Variants in MED12L observed in about 807,000 individuals in gnomAD.
The protein encoded by MED12L is mediator complex subunit 12L.
A neutral mutation model predicts 281.3 loss-of-function variants in MED12L; 60 were observed. The observed-to-expected ratio is 0.21, with a 90% CI of 0.17 to 0.26. MED12L has a LOEUF of 0.26. Among genes scored for constraint, MED12L ranks in the 10% least tolerant of loss-of-function variants. MED12L has a pLI of 1.00. For synonymous variants in MED12L, 974 were observed against 987.2 expected, an observed-to-expected ratio of 0.99 and a Z score of 0.25; for missense variants, 2,146 against 2,680.9, an observed-to-expected ratio of 0.80 and a Z score of 4.41.
intron 16 of MED12L, among the ~76,000 whole-genome samples, chr3:151,235,732 A>C (rs1463314494): frequency 1.3e-5 from 2 of 151,346 alleles, no homozygotes; most frequent in East Asian, 3.9e-4. Flanking sequence ...AGTAAAAGCA[A>C]CTCACTTGGG....
At chr3:151,356,793 A>C (rs1476017004) in intron 19 of MED12L, among the ~76,000 whole-genome samples, 1 of 152,150 alleles carries the variant, frequency 6.6e-6, no homozygotes, top group East Asian at 1.9e-4. Flanking sequence ...ATTTGAGTTC[A>C]TTATTTCCTT....
intron 16 of MED12L, among the ~76,000 whole-genome samples, chr3:151,306,933 T>C (rs1746740697): frequency 6.6e-6 from 1 of 152,216 alleles, no homozygotes; most frequent in African/African-American, 2.4e-5. Context: ...TCTCCAGTTT[T>C]CCCTCTAAAA....
At chr3:151,431,825 G>T (rs1234576022) in intron 44 of MED12L, among the ~76,000 whole-genome samples, 1 of 152,100 alleles carries the variant, frequency 6.6e-6, no homozygotes, top group Non-Finnish European at 1.5e-5. Context: ...TCCATGTATT[G>T]ATTTACTTTA....
At chr3:151,273,938 G>T (rs951391971) in intron 16 of MED12L, among the ~76,000 whole-genome samples, 3 of 152,202 alleles carry the variant, frequency 2.0e-5, no homozygotes, top group Non-Finnish European at 4.4e-5. Flanking sequence ...CTAAGACAGA[G>T]TCTTTTCTTT....
intron 24 of MED12L, 61 bp from the exon 25 acceptor site, chr3:151,368,089 A>T: frequency 7.7e-7 from 1 of 1,304,036 alleles, no homozygotes; most frequent in Non-Finnish European, 1.1e-6. Context: ...TTAATAGGAA[A>T]CCTGAAGGAC....
chr3:151,128,002 A>T lies in MED12L; in HGVS notation c.556+18A>T. ...GAATTTGGGTAAGTGAGAGAATACA[A>T]TACACCTTACATTTCATTATTGATT... On this transcript the variant is annotated intron_variant, in intron 5 of 44. Transcript: ENST00000687756. 1 of 1,601,074 alleles carries T rather than the reference A, an allele frequency of 6.2e-7. No individual in the cohort carries two copies. The highest frequency in any genetic ancestry group is 2.2e-5 in the East Asian group (1 of 44,776).
At chr3:151,097,539 C>T (rs535813187) in intron 2 of MED12L, among the ~76,000 whole-genome samples, 1 of 152,298 alleles carries the variant, frequency 6.6e-6, no homozygotes, top group Non-Finnish European at 1.5e-5. Context: ...TTTATGAATG[C>T]ATATGAGAAT....
chr3:151,095,675 A>C (rs1406459361), intron 2 of MED12L, among the ~76,000 whole-genome samples: 2 of 152,182 alleles, frequency 1.3e-5, no homozygotes, highest in Non-Finnish European at 2.9e-5. Flanking sequence ...TTTGTTGGCT[A>C]CTTCAACATG....
chr3:151,233,387 G>A (rs1296341369), intron 16 of MED12L, among the ~76,000 whole-genome samples: 1 of 152,228 alleles, frequency 6.6e-6, no homozygotes, highest in African/African-American at 2.4e-5. Context: ...TCAATGGAAT[G>A]TTTGATACTT....
chr3:151,333,519 A>G (rs1390770842), intron 16 of MED12L, among the ~76,000 whole-genome samples: 1 of 152,210 alleles, frequency 6.6e-6, no homozygotes, highest in Non-Finnish European at 1.5e-5. Flanking sequence ...AAAATCAGTT[A>G]TGCTACATAA....
chr3:151,343,809 T>A (rs1752193775), intron 16 of MED12L, among the ~76,000 whole-genome samples: 1 of 152,200 alleles, frequency 6.6e-6, no homozygotes, highest in Non-Finnish European at 1.5e-5. Context: ...TCTGAAAATG[T>A]TTGCTTCAAA....
chr3:151,379,304 G>T (rs1711801423), intron 31 of MED12L, among the ~76,000 whole-genome samples: 1 of 152,184 alleles, frequency 6.6e-6, no homozygotes, highest in South Asian at 2.1e-4. Context: ...CACATCAGGG[G>T]CTCTTTATTC....
intron 13 of MED12L, among the ~76,000 whole-genome samples, chr3:151,190,020 C>A (rs921446867): frequency 1.3e-5 from 2 of 152,160 alleles, no homozygotes; most frequent in Non-Finnish European, 2.9e-5. Flanking sequence ...CATATTCTCA[C>A]AATTGCACAG....
At chr3:151,116,650 A>G (rs886454108) in intron 3 of MED12L, among the ~76,000 whole-genome samples, 1 of 152,198 alleles carries the variant, frequency 6.6e-6, no homozygotes, top group African/African-American at 2.4e-5. Flanking sequence ...AGTACAGTAC[A>G]GCTCTCTGCC....
At chr3:151,183,405 A>G (rs1722928398) in intron 11 of MED12L, among the ~76,000 whole-genome samples, 1 of 152,216 alleles carries the variant, frequency 6.6e-6, no homozygotes, top group Non-Finnish European at 1.5e-5. Context: ...GCTCATGCAC[A>G]TTATGGGTGC....
intron 2 of MED12L, among the ~76,000 whole-genome samples, chr3:151,093,136 A>G (rs1191587032): frequency 1.3e-5 from 2 of 152,154 alleles, no homozygotes; most frequent in African/African-American, 2.4e-5. Flanking sequence ...TGAGACACCC[A>G]TCTCTACAAA....
intron 2 of MED12L, among the ~76,000 whole-genome samples, chr3:151,097,179 G>A (rs1251829093): frequency 6.6e-6 from 1 of 151,960 alleles, no homozygotes. Context: ...CTTATTTATG[G>A]GCAGCTCTCT....
intron 43 of MED12L, among the ~76,000 whole-genome samples, 194 bp from the exon 44 acceptor site, chr3:151,430,105 A>G (rs1215595058): frequency 6.6e-6 from 1 of 152,174 alleles, no homozygotes; most frequent in Non-Finnish European, 1.5e-5. Context: ...TCCTGAATAG[A>G]TGGGGTACTT....
chr3:151,335,987 G>C (rs1309727051), intron 16 of MED12L, among the ~76,000 whole-genome samples: 1 of 152,168 alleles, frequency 6.6e-6, no homozygotes, highest in Non-Finnish European at 1.5e-5. Context: ...TGTCCCCTCT[G>C]TAGTCTCCGA....
Sources: gnomAD v4.1 joint callset for allele counts (sites outside exome capture counted in the v4.1 genomes callset) on GRCh38, gnomAD v4.1.1 for gene constraint, MANE v1.5 for transcripts, NCBI Gene and HGNC (gene_info 2026-07-23, HGNC 2026-07-21) for gene names.